Variants in TAS2R1 observed in about 807,000 individuals in gnomAD.
TAS2R1 encodes the protein taste 2 receptor member 1, also known as taste receptor type 2 member 1.
For missense variants in TAS2R1, 370 were observed against 353.4 expected, an observed-to-expected ratio of 1.05 and a Z score of -0.38; for synonymous variants, 141 against 134.2, an observed-to-expected ratio of 1.05 and a Z score of -0.35.
At chr5:9,703,065 G>C (rs1366222474) in intron 1 of TAS2R1, among the ~76,000 whole-genome samples, 1 of 152,190 alleles carries the variant, frequency 6.6e-6, no homozygotes, top group Non-Finnish European at 1.5e-5. Context: ...AGGGACCACA[G>C]TTGGGCTGAC....
At chr5:9,868,021 A>G in the TAS2R1 span, among the ~76,000 whole-genome samples, 2 of 152,206 alleles carry the variant, frequency 1.3e-5, no homozygotes, top group African/African-American at 4.8e-5. Context: ...GTGGGCTCCA[A>G]GGCCTTGGGG....
the TAS2R1 span, among the ~76,000 whole-genome samples, chr5:9,780,986 C>T: frequency 5.9e-5 from 9 of 152,176 alleles, no homozygotes; most frequent in Admixed American, 5.9e-4. Context: ...TTCAAACTTG[C>T]CAGCTCCCAC....
In TAS2R1 at chr5:9,681,531, C is replaced by CAAAAAAAAAA. The variant is rs10681888; in HGVS notation, c.-241-21960_-241-21951dup. On this transcript the variant is annotated intron_variant, in intron 1 of 2. Coordinates refer to the TAS2R1 transcript ENST00000506620. ...TTTCAGGGGACTTCTCATGTTTCTG[C>CAAAAAAAAAA]AAAAAAAAAAAAAAAAAAAGATGCC... Among the ~76,000 whole-genome samples the CAAAAAAAAAA allele has an allele frequency of 7.1e-4, 62 of 87,862 alleles. No homozygotes were observed. In the East Asian group the frequency reaches 0.014, roughly 19 times the overall value. 57.6% of individuals were successfully genotyped at this position (87,862 alleles called of 152,430 possible).
At chr5:9,731,668 T>C in the TAS2R1 span, among the ~76,000 whole-genome samples, 1 of 152,252 alleles carries the variant, frequency 6.6e-6, no homozygotes, top group Non-Finnish European at 1.5e-5. Flanking sequence ...CCCATTCTTC[T>C]GGAAAGTATT....
the TAS2R1 span, among the ~76,000 whole-genome samples, chr5:9,775,234 T>G: frequency 6.6e-6 from 1 of 152,164 alleles, no homozygotes; most frequent in African/African-American, 2.4e-5. Context: ...GTGGTGAATA[T>G]TGCCTGGCTA....
At chr5:9,887,552 C>G in the TAS2R1 span, among the ~76,000 whole-genome samples, 2 of 152,174 alleles carry the variant, frequency 1.3e-5, no homozygotes, top group African/African-American at 4.8e-5. Flanking sequence ...CGAGGCTCCT[C>G]CACCACCTAT....
the TAS2R1 span, among the ~76,000 whole-genome samples, chr5:9,771,565 T>A: frequency 3.9e-5 from 6 of 152,190 alleles, no homozygotes; most frequent in East Asian, 5.8e-4. Context: ...CTCCTCTTTT[T>A]TCAGAATAGT....
intron 1 of TAS2R1, among the ~76,000 whole-genome samples, chr5:9,683,025 C>A (rs1261150128): frequency 6.6e-6 from 1 of 152,132 alleles, no homozygotes; most frequent in Non-Finnish European, 1.5e-5. Context: ...TAAAAAGATC[C>A]TTTAATGTAG....
intron 2 of TAS2R1, among the ~76,000 whole-genome samples, chr5:9,656,106 T>G (rs1049698462): frequency 6.6e-6 from 1 of 152,128 alleles, no homozygotes; most frequent in Non-Finnish European, 1.5e-5. Flanking sequence ...CAAAATCAGT[T>G]CTGTAAGGGC....
the TAS2R1 span, among the ~76,000 whole-genome samples, chr5:9,751,573 A>G: frequency 0.79 from 120,613 of 152,046 alleles, 48,175 homozygotes; most frequent in East Asian, 0.91. Flanking sequence ...TTTTCTTTTT[A>G]TTATTTACCC....
chr5:9,901,635 G>A, the TAS2R1 span, among the ~76,000 whole-genome samples: 2 of 152,052 alleles, frequency 1.3e-5, no homozygotes, highest in Non-Finnish European at 2.9e-5. Flanking sequence ...AAATCTTCCT[G>A]CAGTAAGAAG....
intron 2 of TAS2R1, among the ~76,000 whole-genome samples, chr5:9,646,509 T>A (rs1487857323): frequency 6.6e-6 from 1 of 152,208 alleles, no homozygotes; most frequent in East Asian, 1.9e-4. Flanking sequence ...CAGTGCCATT[T>A]CTGCCCTGGT....
chr5:9,684,487 T>G (rs967348974), intron 1 of TAS2R1, among the ~76,000 whole-genome samples: 1 of 152,196 alleles, frequency 6.6e-6, no homozygotes, highest in African/African-American at 2.4e-5. Context: ...TTTGCTGCAC[T>G]GAAGGGTGGA....
chr5:9,826,872 C>A, the TAS2R1 span, among the ~76,000 whole-genome samples: 2 of 152,134 alleles, frequency 1.3e-5, no homozygotes, highest in African/African-American at 4.8e-5. Flanking sequence ...CTGCCTTCTA[C>A]TTACCAAATT....
the TAS2R1 span, among the ~76,000 whole-genome samples, chr5:9,852,984 G>C: frequency 2.0e-5 from 3 of 152,134 alleles, no homozygotes; most frequent in Non-Finnish European, 4.4e-5. Context: ...TTTGGCACTG[G>C]AAAACAGATG....
At chr5:9,834,537 G>A in the TAS2R1 span, among the ~76,000 whole-genome samples, 2 of 152,176 alleles carry the variant, frequency 1.3e-5, no homozygotes, top group East Asian at 3.9e-4. Context: ...CACCTATGGA[G>A]AAAAGTTTGT....
chr5:9,815,352 T>G, the TAS2R1 span, among the ~76,000 whole-genome samples: 1 of 152,214 alleles, frequency 6.6e-6, no homozygotes, highest in Non-Finnish European at 1.5e-5. Flanking sequence ...GGCTTAGATG[T>G]ACAACTGGTG....
At chr5:9,752,509 A>C in the TAS2R1 span, among the ~76,000 whole-genome samples, 1 of 152,066 alleles carries the variant, frequency 6.6e-6, no homozygotes, top group Non-Finnish European at 1.5e-5. Context: ...CATTGTTTTT[A>C]TGCATGAATG....
chr5:9,667,681 G>A (rs1391178265), intron 1 of TAS2R1, among the ~76,000 whole-genome samples: 1 of 152,068 alleles, frequency 6.6e-6, no homozygotes. Context: ...CAAGACCCAG[G>A]AGTGAACTAA....
Sources: gnomAD v4.1 joint callset for allele counts (sites outside exome capture counted in the v4.1 genomes callset) on GRCh38, gnomAD v4.1.1 for gene constraint, MANE v1.5 for transcripts, NCBI Gene and HGNC (gene_info 2026-07-23, HGNC 2026-07-21) for gene names.